LOC128125817: variants seen among roughly 807,000 people sequenced by gnomAD.
chr1:41,604,727 C>G, the LOC128125817 span, among the ~76,000 whole-genome samples: 1 of 152,136 alleles, frequency 6.6e-6, no homozygotes, highest in Non-Finnish European at 1.5e-5. Context: ...CTTTAGTATT[C>G]TGTACTAGCA....
chr1:41,587,952 C>T, the LOC128125817 span, among the ~76,000 whole-genome samples: 1 of 152,194 alleles, frequency 6.6e-6, no homozygotes. Context: ...AAGGAATTGT[C>T]TAGCATCTGA....
At chr1:41,619,315 C>T in the LOC128125817 span, among the ~76,000 whole-genome samples, 1 of 152,230 alleles carries the variant, frequency 6.6e-6, no homozygotes, top group Admixed American at 6.5e-5. Context: ...CTGCCAGCCC[C>T]GTGCCCCCTA....
the LOC128125817 span, among the ~76,000 whole-genome samples, chr1:41,591,164 T>C: frequency 0.013 from 1,926 of 152,306 alleles, 54 homozygotes; most frequent in African/African-American, 0.043. Flanking sequence ...GTCCTGGCTC[T>C]GCTGCTTTTA....
chr1:41,608,819 C>A, the LOC128125817 span, among the ~76,000 whole-genome samples: 20 of 151,908 alleles, frequency 1.3e-4, no homozygotes, highest in Non-Finnish European at 2.2e-4. Context: ...CACCTGTAAT[C>A]CCAGCACTTT....
chr1:41,598,852 G>T, the LOC128125817 span, among the ~76,000 whole-genome samples: 30 of 144,406 alleles, frequency 2.1e-4, no homozygotes, highest in African/African-American at 7.4e-4. Context: ...ATCTCATTCT[G>T]TTGCCCAAAC....
chr1:41,595,169 G>A, the LOC128125817 span, among the ~76,000 whole-genome samples: 1 of 152,196 alleles, frequency 6.6e-6, no homozygotes. Context: ...GGAAGCTGAT[G>A]AAATTCCTCC....
At chr1:41,626,486 T>C in the LOC128125817 span, among the ~76,000 whole-genome samples, 22 of 151,720 alleles carry the variant, frequency 1.5e-4, no homozygotes, top group Non-Finnish European at 1.2e-4. Context: ...AAACAAAGAG[T>C]CTGGGCACGA....
At chr1:41,597,963 C>T in the LOC128125817 span, among the ~76,000 whole-genome samples, 2 of 152,196 alleles carry the variant, frequency 1.3e-5, no homozygotes, top group Admixed American at 1.3e-4. Flanking sequence ...TAGCTATCCA[C>T]CTACCTATCT....
the LOC128125817 span, among the ~76,000 whole-genome samples, chr1:41,588,484 G>T: frequency 1.3e-5 from 2 of 152,030 alleles, no homozygotes; most frequent in Admixed American, 6.5e-5. Flanking sequence ...GTGGTGGAGC[G>T]CCCAGCAGCT....
At chr1:41,611,292 G>A in the LOC128125817 span, among the ~76,000 whole-genome samples, 7 of 152,130 alleles carry the variant, frequency 4.6e-5, no homozygotes, top group African/African-American at 1.2e-4. Flanking sequence ...AGCTATACAC[G>A]GGCAAAGGGA....
the LOC128125817 span, among the ~76,000 whole-genome samples, chr1:41,590,720 C>T: frequency 6.6e-6 from 1 of 152,162 alleles, no homozygotes; most frequent in Non-Finnish European, 1.5e-5. Flanking sequence ...TTTGCCAGAA[C>T]CCAGGTCTAG....
chr1:41,624,453 T>C, the LOC128125817 span, among the ~76,000 whole-genome samples: 1 of 152,234 alleles, frequency 6.6e-6, no homozygotes, highest in Non-Finnish European at 1.5e-5. Context: ...ATTTGGTTTG[T>C]GCAGACCTCA....
At chr1:41,604,540 G>A in the LOC128125817 span, among the ~76,000 whole-genome samples, 16 of 152,276 alleles carry the variant, frequency 1.1e-4, no homozygotes, top group Middle Eastern at 3.4e-3. Flanking sequence ...ATGGGATTAG[G>A]TGTCTCATAA....
chr1:41,617,018 G>A, the LOC128125817 span, among the ~76,000 whole-genome samples: 7 of 152,134 alleles, frequency 4.6e-5, no homozygotes, highest in South Asian at 2.1e-4. Flanking sequence ...GGTGGGATCC[G>A]GATTTGAACC....
chr1:41,609,075 C>T, the LOC128125817 span, among the ~76,000 whole-genome samples: 4 of 148,860 alleles, frequency 2.7e-5, no homozygotes, highest in African/African-American at 7.6e-5. Flanking sequence ...AAAAAAAAAA[C>T]GGTTTTCACT....
the LOC128125817 span, among the ~76,000 whole-genome samples, chr1:41,589,078 G>T: frequency 6.6e-6 from 1 of 152,200 alleles, no homozygotes; most frequent in Non-Finnish European, 1.5e-5. Flanking sequence ...ACCTTCTGTG[G>T]TTCTGAGGGT....
chr1:41,587,193 C>A, the LOC128125817 span, among the ~76,000 whole-genome samples: 2 of 152,148 alleles, frequency 1.3e-5, no homozygotes, highest in South Asian at 2.1e-4. Flanking sequence ...TTCAATGACA[C>A]CCCTCTGGTC....
At chr1:41,617,072 G>T in the LOC128125817 span, among the ~76,000 whole-genome samples, 1 of 152,100 alleles carries the variant, frequency 6.6e-6, no homozygotes, top group Non-Finnish European at 1.5e-5. Context: ...CCACTCTACC[G>T]TACTGCCTTT....
chr1:41,607,109 C>T, the LOC128125817 span, among the ~76,000 whole-genome samples: 3 of 152,132 alleles, frequency 2.0e-5, no homozygotes, highest in African/African-American at 7.2e-5. Context: ...AGGTGTGAGC[C>T]ACCAAGCCTG....
Sources: allele counts gnomAD v4.1 joint callset (sites outside exome capture counted in the v4.1 genomes callset), GRCh38; gene constraint gnomAD v4.1.1; transcripts MANE v1.5.